ZMAT4: variants seen among roughly 807,000 people sequenced by gnomAD.
ZMAT4 encodes the protein zinc finger matrin-type protein 4.
ZMAT4 carries 17 observed loss-of-function variants against 28.7 expected under a neutral mutation model. The observed-to-expected ratio is 0.59, with a 90% confidence interval of 0.41 to 0.89. ZMAT4 has a LOEUF of 0.89. Among genes scored for constraint, ZMAT4 ranks in the 40% least tolerant of loss-of-function variants. ZMAT4 has a pLI of 0.00. For synonymous variants in ZMAT4, 117 were observed against 109.2 expected (o/e 1.07, Z -0.44); for missense variants, 240 against 283.8 (o/e 0.85, Z 1.11).
intron 6 of ZMAT4, among the ~76,000 whole-genome samples, chr8:40,536,893 G>T (rs1563330480): frequency 6.8e-6 from 1 of 146,488 alleles, no homozygotes; most frequent in Non-Finnish European, 1.5e-5. Flanking sequence ...AGCGGGATGA[G>T]GGGGTTTGGA....
chr8:40,657,479 A>T (rs1807978676), intron 5 of ZMAT4, among the ~76,000 whole-genome samples: 1 of 152,020 alleles, frequency 6.6e-6, no homozygotes, highest in African/African-American at 2.4e-5. Context: ...TACTTTAAAG[A>T]GTTTCACTCA....
At chr8:40,674,666 C>G in intron 5 of ZMAT4, 38 bp downstream of exon 5, 3 of 1,545,622 alleles carry the variant, frequency 1.9e-6, no homozygotes, top group Non-Finnish European at 2.7e-6. Context: ...TCTCTGAAAG[C>G]CCAGTTTTGT....
intron 5 of ZMAT4, among the ~76,000 whole-genome samples, chr8:40,585,520 G>C (rs915373906): frequency 6.6e-6 from 1 of 151,952 alleles, no homozygotes; most frequent in Non-Finnish European, 1.5e-5. Flanking sequence ...ACTTTACAAA[G>C]AATACTCCCA....
chr8:40,653,982 G>A (rs1411597559), intron 5 of ZMAT4, among the ~76,000 whole-genome samples: 2 of 152,130 alleles, frequency 1.3e-5, no homozygotes, highest in Non-Finnish European at 2.9e-5. Context: ...CTCCTTCATA[G>A]CAGGCTGAGA....
chr8:40,579,398 A>G (rs1413638138), intron 6 of ZMAT4, among the ~76,000 whole-genome samples: 1 of 152,184 alleles, frequency 6.6e-6, no homozygotes, highest in African/African-American at 2.4e-5. Context: ...AGAAATGATG[A>G]AAACAGCTTG....
intron 1 of ZMAT4, among the ~76,000 whole-genome samples, chr8:40,881,433 GAGAAAGAAAGAAAGAAAGAAAGAA>G (rs35018481): frequency 1.3e-3 from 92 of 70,314 alleles, no homozygotes; most frequent in East Asian, 2.9e-3. Context: ...AGAAGAAAGA[GAGAAAGAAAGAAAGAAAGAAAGAA>G]AGAAAGAAAG....
At chr8:40,721,233 G>A (rs910096534) in intron 3 of ZMAT4, among the ~76,000 whole-genome samples, 18 of 144,500 alleles carry the variant, frequency 1.2e-4, no homozygotes, top group Non-Finnish European at 2.6e-4. Flanking sequence ...GGAGTGTTTG[G>A]TTTTTTGTTC....
intron 3 of ZMAT4, among the ~76,000 whole-genome samples, chr8:40,748,035 A>G (rs773840044): frequency 6.6e-6 from 1 of 152,218 alleles, no homozygotes; most frequent in Non-Finnish European, 1.5e-5. Context: ...ATCTAAAATT[A>G]TATGGAGGAT....
intron 5 of ZMAT4, among the ~76,000 whole-genome samples, chr8:40,623,114 A>T (rs538676442): frequency 2.0e-5 from 3 of 152,272 alleles, no homozygotes; most frequent in African/African-American, 4.8e-5. Context: ...GTCTTATTGG[A>T]GGAATAATAA....
chr8:40,588,430 A>G (rs527553845), intron 5 of ZMAT4, among the ~76,000 whole-genome samples: 242 of 152,266 alleles, frequency 1.6e-3, no homozygotes, highest in Non-Finnish European at 1.8e-3. Context: ...ACTCAATAAT[A>G]AAAATACAAT....
chr8:40,856,851 G>A (rs1362513970), intron 1 of ZMAT4, among the ~76,000 whole-genome samples: 1 of 152,148 alleles, frequency 6.6e-6, no homozygotes, highest in Non-Finnish European at 1.5e-5. Flanking sequence ...ACTCCAAAGA[G>A]CACAGGAGCC....
At chr8:40,803,463 A>G (rs971480232) in intron 2 of ZMAT4, among the ~76,000 whole-genome samples, 3 of 152,204 alleles carry the variant, frequency 2.0e-5, no homozygotes, top group Admixed American at 6.5e-5. Context: ...AAGAAGGTAC[A>G]CAGGTGGCAA....
chr8:40,569,414 T>G (rs553850989), intron 6 of ZMAT4, among the ~76,000 whole-genome samples: 31 of 152,206 alleles, frequency 2.0e-4, no homozygotes, highest in Admixed American at 2.0e-4. Context: ...CTATAGATAG[T>G]TTACAAATGG....
chr8:40,634,135 T>TA (rs1806703621), intron 5 of ZMAT4, among the ~76,000 whole-genome samples: 1 of 152,014 alleles, frequency 6.6e-6, no homozygotes, highest in African/African-American at 2.4e-5. Flanking sequence ...AACATTATCT[T>TA]AAAAAAAAGT....
At chr8:40,640,413 G>C (rs1222070519) in intron 5 of ZMAT4, among the ~76,000 whole-genome samples, 1 of 152,182 alleles carries the variant, frequency 6.6e-6, no homozygotes, top group Non-Finnish European at 1.5e-5. Context: ...CATCTTGATT[G>C]CACAGAGGCA....
At chr8:40,805,576 T>C (rs1460054757) in intron 2 of ZMAT4, among the ~76,000 whole-genome samples, 2 of 127,582 alleles carry the variant, frequency 1.6e-5, no homozygotes, top group Non-Finnish European at 3.4e-5. Flanking sequence ...TAAGAAAATT[T>C]GGCACATATA....
chr8:40,543,254 C>T lies in ZMAT4; in HGVS notation c.675-11016G>A, dbSNP rs116140963. 6.6e-3 allele frequency among the ~76,000 whole-genome samples: 1,000 copies of T among 152,206 alleles called. 10 individuals are homozygous for T. The highest frequency in any genetic ancestry group is 0.023 in the African/African-American group (935 of 41,514). On this transcript the variant is annotated intron_variant, in intron 6 of 6. Transcript: ENST00000297737. The stretch of plus-strand genomic sequence containing the variant: ...AACTTATAAACGTGCTGATAGGCCA[C>T]GGAAGAGGATAGAGAAAGCCAGCAC...
intron 6 of ZMAT4, among the ~76,000 whole-genome samples, chr8:40,578,418 T>C (rs372808402): frequency 2.0e-5 from 3 of 152,146 alleles, no homozygotes; most frequent in Non-Finnish European, 2.9e-5. Context: ...TAGGAGATTA[T>C]CTTATCGACC....
chr8:40,805,940 T>A (rs905816805), intron 2 of ZMAT4, among the ~76,000 whole-genome samples: 5 of 147,360 alleles, frequency 3.4e-5, no homozygotes, highest in Non-Finnish European at 7.5e-5. Context: ...AAAGTATAAT[T>A]AAAAAAAAAA....
Sources: allele counts gnomAD v4.1 joint callset (sites outside exome capture counted in the v4.1 genomes callset), GRCh38; gene constraint gnomAD v4.1.1; transcripts MANE v1.5; gene names NCBI Gene and HGNC (gene_info 2026-07-23, HGNC 2026-07-21).